Variants in NVL observed in about 807,000 individuals in gnomAD.
The protein encoded by NVL is nuclear valosin-containing protein-like.
NVL carries 84 observed loss-of-function variants against 110.2 expected under a neutral mutation model. That is an observed-to-expected ratio of 0.76 (90% CI 0.64 to 0.91). The LOEUF (loss-of-function observed/expected upper bound fraction) is 0.91. Ranked by LOEUF, NVL falls within the 40% of genes least tolerant of loss-of-function variation. NVL has a pLI of 0.00. For synonymous variants in NVL, 354 were observed against 361.1 expected (o/e 0.98, Z 0.22); for missense variants, 882 against 1,035.9 (o/e 0.85, Z 2.04).
rs563057786 is a variant in NVL at position 224,292,820 on chromosome 1, G to A, written c.1325+1447C>T. Among the ~76,000 whole-genome samples, 17 of 151,634 alleles carry A rather than the reference G, an allele frequency of 1.1e-4. No individual in the cohort carries two copies. In the South Asian group the frequency reaches 1.3e-3, roughly 11 times the overall value. On this transcript the variant is annotated intron_variant, in intron 12 of 22. Coordinates refer to ENST00000281701, the MANE Select transcript of NVL (RefSeq NM_002533.4). ...GGATGGAGTACAGTGGCATGACATC[G>A]GCTCACTACAACCTCCACTTCCCAG...
intron 18 of NVL, 28 bp from the exon 19 acceptor site, chr1:224,250,346 T>C (rs372886263): frequency 1.3e-6 from 2 of 1,513,646 alleles, no homozygotes. Flanking sequence ...AAAAAAGTCT[T>C]AAATAAAACC....
intron 18 of NVL, among the ~76,000 whole-genome samples, chr1:224,254,098 T>C (rs1050269873): frequency 6.6e-6 from 1 of 152,190 alleles, no homozygotes; most frequent in African/African-American, 2.4e-5. Flanking sequence ...ACAACATGTT[T>C]TTTTTTGTTT....
chr1:224,231,360 C>T (rs1659859447), intron 21 of NVL, 64 bp from the exon 22 acceptor site: 2 of 1,369,138 alleles, frequency 1.5e-6, no homozygotes, highest in Admixed American at 1.7e-5. Context: ...TAGAACTTAA[C>T]TTCCTTTGAA....
At chr1:224,292,595 G>A (rs1050324417) in intron 12 of NVL, among the ~76,000 whole-genome samples, 1 of 151,906 alleles carries the variant, frequency 6.6e-6, no homozygotes, top group Non-Finnish European at 1.5e-5. Context: ...TCATACCCTG[G>A]ACCTCGTCAT....
At chr1:224,315,960 C>T (rs547407684) in intron 4 of NVL, among the ~76,000 whole-genome samples, 3 of 152,156 alleles carry the variant, frequency 2.0e-5, no homozygotes, top group South Asian at 2.1e-4. Context: ...TCTGGGAGTC[C>T]GAGGCAAGAG....
At chr1:224,244,475 C>G (rs1008936613) in intron 19 of NVL, among the ~76,000 whole-genome samples, 1 of 151,968 alleles carries the variant, frequency 6.6e-6, no homozygotes, top group Non-Finnish European at 1.5e-5. Flanking sequence ...GTATATGGCT[C>G]GCTCTTTTTT....
intron 16 of NVL, among the ~76,000 whole-genome samples, chr1:224,280,878 T>C (rs768162398): frequency 7.9e-5 from 12 of 152,172 alleles, no homozygotes; most frequent in African/African-American, 1.2e-4. Flanking sequence ...CAGATTGAAA[T>C]CTTTGCTCTA....
chr1:224,249,803 A>G (rs1219435018), intron 19 of NVL, among the ~76,000 whole-genome samples: 1 of 152,106 alleles, frequency 6.6e-6, no homozygotes, highest in African/African-American at 2.4e-5. Context: ...GTGTGATCAC[A>G]GCTCCCTGCA....
At chr1:224,288,211 T>C (rs1207538618) in intron 13 of NVL, among the ~76,000 whole-genome samples, 1 of 152,226 alleles carries the variant, frequency 6.6e-6, no homozygotes, top group Non-Finnish European at 1.5e-5. Flanking sequence ...ATTATAATTA[T>C]AATTAAACAT....
At chr1:224,305,686 T>G (rs1558337164) in intron 6 of NVL, among the ~76,000 whole-genome samples, 3 of 152,054 alleles carry the variant, frequency 2.0e-5, no homozygotes, top group Admixed American at 1.3e-4. Context: ...GCCTCCCAAG[T>G]AGCCCACCAC....
chr1:224,271,658 T>G (rs1014457457), intron 17 of NVL, among the ~76,000 whole-genome samples: 1 of 152,210 alleles, frequency 6.6e-6, no homozygotes, highest in Non-Finnish European at 1.5e-5. Flanking sequence ...ACTCTCTTTA[T>G]ACTTGTGTTT....
intron 18 of NVL, among the ~76,000 whole-genome samples, chr1:224,259,822 CTT>C (rs60297397): frequency 1.3e-4 from 18 of 135,254 alleles, no homozygotes; most frequent in Non-Finnish European, 9.6e-5. Context: ...ACCCAGCTAA[CTT>C]TTTTTTTTTT....
chr1:224,254,552 C>CCGG (rs1662933428), intron 18 of NVL, among the ~76,000 whole-genome samples: 1 of 145,612 alleles, frequency 6.9e-6, no homozygotes, highest in African/African-American at 2.5e-5. Flanking sequence ...ACCACCATGC[C>CCGG]CGGCTAATTT....
chr1:224,272,342 T>A (rs531928741), intron 17 of NVL, among the ~76,000 whole-genome samples: 221 of 142,750 alleles, frequency 1.5e-3, no homozygotes, highest in Middle Eastern at 0.015. Context: ...GACTCTGTTT[T>A]AAAAAAAAAA....
At chr1:224,245,547 T>C (rs979955130) in intron 19 of NVL, among the ~76,000 whole-genome samples, 3 of 152,170 alleles carry the variant, frequency 2.0e-5, no homozygotes, top group African/African-American at 7.2e-5. Context: ...ACAGTCAGAA[T>C]TGGAGCAAAA....
intron 4 of NVL, chr1:224,312,502 C>T (rs1020014380): frequency 1.3e-5 from 2 of 152,222 alleles, no homozygotes; most frequent in Non-Finnish European, 2.9e-5. Flanking sequence ...CAGGACACTG[C>T]TAGTATTTAA....
chr1:224,304,641 C>A, intron 8 of NVL, 95 bp downstream of exon 8: 3 of 1,079,276 alleles, frequency 2.8e-6, no homozygotes, highest in Non-Finnish European at 4.2e-6. Flanking sequence ...TCCTTTTCTA[C>A]ACCCAGATCA....
chr1:224,239,522 C>A (rs964557455), intron 19 of NVL, among the ~76,000 whole-genome samples: 1 of 152,144 alleles, frequency 6.6e-6, no homozygotes, highest in Non-Finnish European at 1.5e-5. Flanking sequence ...ATCAACTTAC[C>A]TCGACTGTCA....
In NVL at chr1:224,287,845, A is replaced by G. The variant is rs1667009423; in HGVS notation, c.1724T>C (p.Val575Ala). Residue 575 changes from valine to alanine, a missense_variant, in exon 14 of 23, where the codon GTC (valine) becomes GCC (alanine). By Grantham distance (64) the Val-to-Ala change is moderately conservative (BLOSUM62 0). This residue lies in a region of NVL where 416 missense variants were observed against 499.3 expected (regional missense o/e 0.83). Coordinates refer to ENST00000281701, the MANE Select transcript of NVL (RefSeq NM_002533.4). ...PSAKREGFVTVPNVTWADIGA... is the reference protein window; with the variant it reads ...PSAKREGFVTAPNVTWADIGA... ...AATATCTGCCCATGTCACATTAGGG[A>G]CAGTGACAAAGCCTTCCCTTTTGGC... 6.2e-7 allele frequency: 1 copy of G among 1,614,030 alleles called. No homozygotes were observed. The highest frequency in any genetic ancestry group is 1.7e-5 in the Admixed American group (1 of 59,996).
Sources: gnomAD v4.1 joint callset for allele counts (sites outside exome capture counted in the v4.1 genomes callset) on GRCh38, gnomAD v4.1.1 for gene constraint, gnomAD v4.1.1 regional missense constraint, MANE v1.5 for transcripts, NCBI Gene and HGNC (gene_info 2026-07-23, HGNC 2026-07-21) for gene names.